APOO: variants seen among roughly 807,000 people sequenced by gnomAD.
The protein encoded by APOO is apolipoprotein O, also known as MICOS complex subunit MIC26.
A neutral mutation model predicts 23.1 loss-of-function variants in APOO; 11 were observed. The ratio of observed to expected loss-of-function variants is 0.48; its 90% CI spans 0.30 to 0.79. The LOEUF (loss-of-function observed/expected upper bound fraction) is 0.79, where lower values mean the gene tolerates loss of function less well. Among genes scored for constraint, APOO ranks in the 30% least tolerant of loss-of-function variants. APOO has a pLI of 0.07. For synonymous variants in APOO, 59 were observed against 54.8 expected (o/e 1.08, Z -0.34); for missense variants, 160 against 142.7 (o/e 1.12, Z -0.62).
intron 5 of APOO, among the ~76,000 whole-genome samples, chrX:23,864,082 A>G (rs1925228563): frequency 9.8e-6 from 1 of 102,522 alleles, no homozygotes; most frequent in Non-Finnish European, 2.0e-5. Context: ...TGCAATCTCC[A>G]CCTCTTGGGT....
At chrX:23,896,420 T>C (rs937250218) in intron 1 of APOO, among the ~76,000 whole-genome samples, 1 of 112,017 alleles carries the variant, frequency 8.9e-6, no homozygotes, top group Non-Finnish European at 1.9e-5. Flanking sequence ...GAGGATATTA[T>C]AAAGGTTTGC....
intron 7 of APOO, among the ~76,000 whole-genome samples, chrX:23,855,016 T>C (rs1218825472): frequency 3.7e-5 from 4 of 108,761 alleles, no homozygotes; most frequent in Non-Finnish European, 5.7e-5. Context: ...GTATAAAAAT[T>C]AGTGGGGTTT....
intron 8 of APOO, chrX:23,836,594 T>A: frequency 1.6e-6 from 1 of 631,591 alleles, no homozygotes; most frequent in Non-Finnish European, 2.3e-6. Context: ...ACCACAGGCG[T>A]GAGCCACCAC....
At chrX:23,855,030 TTC>T (rs1421687746) in intron 7 of APOO, among the ~76,000 whole-genome samples, 3 of 107,474 alleles carry the variant, frequency 2.8e-5, no homozygotes, top group Non-Finnish European at 5.7e-5. Flanking sequence ...GGGGTTTTTT[TTC>T]TTTTTTTCTT....
intron 1 of APOO, among the ~76,000 whole-genome samples, chrX:23,890,973 C>A (rs1413309469): frequency 1.8e-5 from 2 of 111,588 alleles, no homozygotes; most frequent in Non-Finnish European, 3.8e-5. Context: ...CAATAGCCTC[C>A]CAGTTGCTAA....
chrX:23,882,300 C>T (rs190331310), intron 1 of APOO, among the ~76,000 whole-genome samples: 8 of 112,198 alleles, frequency 7.1e-5, no homozygotes, highest in African/African-American at 2.6e-4. Flanking sequence ...GAATTTGCAG[C>T]CATACGTTTC....
chrX:23,906,677 G>A (rs758489634), intron 1 of APOO, among the ~76,000 whole-genome samples: 42 of 112,410 alleles, frequency 3.7e-4, no homozygotes, highest in Non-Finnish European at 7.5e-4. Flanking sequence ...AACAGAGTAA[G>A]AGCAAATACT....
chrX:23,898,616 A>G (rs1316947475), intron 1 of APOO, among the ~76,000 whole-genome samples: 2 of 112,364 alleles, frequency 1.8e-5, no homozygotes, highest in African/African-American at 3.2e-5. Flanking sequence ...TGCAAAAATA[A>G]GGAACAAAAA....
Position 23,873,942 on chromosome X carries a change from T to C in APOO, c.292+461A>G, listed in dbSNP as rs752801476. ...ACAACTGAAAAATAATCAAGGAAAA[T>C]AAAACCAAATGAAAAAAAAGTAAGA... On this transcript the variant is annotated intron_variant, in intron 4 of 8. Coordinates refer to ENST00000379226, the MANE Select transcript of APOO (RefSeq NM_024122.5). Among the ~76,000 whole-genome samples the C allele has an allele frequency of 3.6e-5, 4 of 110,506 alleles. No homozygotes were observed. In the South Asian group the frequency reaches 1.5e-3, roughly 42 times the overall value.
rs1601938172 is a variant in APOO at position 23,892,124 on chromosome X, C to G, written c.10-11172G>C. The stretch of plus-strand genomic sequence containing the variant: ...TTTGAGACAGAGTTTTGCTCTTTCA[C>G]CCAGGCTGGAGTGAAGTGGCGCAAT... On this transcript the variant is annotated intron_variant, in intron 1 of 8. Transcript: ENST00000379226. Among the ~76,000 whole-genome samples the G allele has an allele frequency of 5.5e-5, 6 of 109,366 alleles. No homozygotes were observed. In the South Asian group the frequency reaches 2.3e-3, roughly 43 times the overall value. The allele number at this position is 109,366 out of a possible 115,157, so 95.0% of individuals were successfully genotyped here.
intron 5 of APOO, among the ~76,000 whole-genome samples, chrX:23,863,675 G>A (rs5925946): frequency 0.17 from 19,092 of 109,978 alleles, 1,248 homozygotes; most frequent in Middle Eastern, 0.21. Flanking sequence ...TCAACAGCAC[G>A]GCAGAGTAAA....
At chrX:23,867,429 G>A (rs902382852) in intron 5 of APOO, among the ~76,000 whole-genome samples, 1 of 111,171 alleles carries the variant, frequency 9.0e-6, no homozygotes, top group Non-Finnish European at 1.9e-5. Context: ...CATGTGATGC[G>A]CCTGCTCCCC....
chrX:23,834,428 C>T (rs1923558592), intron 8 of APOO, among the ~76,000 whole-genome samples: 1 of 107,656 alleles, frequency 9.3e-6, no homozygotes, highest in African/African-American at 3.4e-5. Flanking sequence ...TTTTGTGTTC[C>T]ATCAACATTA....
intron 7 of APOO, 46 bp from the exon 8 acceptor site, chrX:23,840,423 A>G (rs758467663): frequency 9.1e-7 from 1 of 1,094,734 alleles, no homozygotes; most frequent in Non-Finnish European, 1.2e-6. Flanking sequence ...GAAAAGAAAT[A>G]GTGCAACTCC....
intron 7 of APOO, among the ~76,000 whole-genome samples, chrX:23,842,705 G>A (rs1311089733): frequency 9.0e-6 from 1 of 111,355 alleles, no homozygotes; most frequent in East Asian, 2.9e-4. Context: ...ATCGGGTCTG[G>A]CATAAAAACA....
chrX:23,843,819 G>A (rs1241944114), intron 7 of APOO, among the ~76,000 whole-genome samples: 1 of 111,143 alleles, frequency 9.0e-6, no homozygotes, highest in African/African-American at 3.3e-5. Context: ...CCCGACCACA[G>A]GTGATTTGCC....
intron 1 of APOO, among the ~76,000 whole-genome samples, chrX:23,898,048 T>C (rs1926978571): frequency 2.0e-5 from 2 of 102,367 alleles, no homozygotes; most frequent in Admixed American, 1.1e-4. Context: ...GACACATGGC[T>C]CTGTCTCAAA....
intron 4 of APOO, among the ~76,000 whole-genome samples, chrX:23,873,803 T>C (rs5925951): frequency 0.48 from 52,769 of 110,064 alleles, 11,366 homozygotes; most frequent in African/African-American, 0.83. Flanking sequence ...GCGAGATGCC[T>C]AATAAGGGGA....
chrX:23,853,719 G>A (rs1263205379), intron 7 of APOO, among the ~76,000 whole-genome samples: 1 of 109,849 alleles, frequency 9.1e-6, no homozygotes, highest in Non-Finnish European at 1.9e-5. Context: ...TCTACCTCCT[G>A]GGCTCATGAG....
Sources: allele counts gnomAD v4.1 joint callset (sites outside exome capture counted in the v4.1 genomes callset), GRCh38; gene constraint gnomAD v4.1.1; transcripts MANE v1.5; gene names NCBI Gene and HGNC (gene_info 2026-07-23, HGNC 2026-07-21).